Variants in TRPC1 observed in about 807,000 individuals in gnomAD.
TRPC1 encodes short transient receptor potential channel 1.
In TRPC1, 42 loss-of-function variants were observed where a neutral mutation model predicts 88.2. The observed-to-expected ratio is 0.48, with a 90% CI of 0.37 to 0.62. The LOEUF is 0.62. TRPC1 is among the 20% of genes least tolerant of loss of function. TRPC1 has a pLI of 0.00. For synonymous variants in TRPC1, 288 were observed against 331.8 expected, an observed-to-expected ratio of 0.87 and a Z score of 1.43; for missense variants, 699 against 957.3, an observed-to-expected ratio of 0.73 and a Z score of 3.56.
rs779018180 is a variant in TRPC1 at position 142,780,908 on chromosome 3, G to A, written c.839G>A (p.Arg280His). 13 of 1,613,722 alleles carry A rather than the reference G, an allele frequency of 8.1e-6. No individual in the cohort carries two copies. The highest frequency in any genetic ancestry group is 1.1e-5 in the Non-Finnish European group (13 of 1,179,842). Reference protein sequence around the residue: ...KDLLAQARNSRELEVILNHTS... With the variant: ...KDLLAQARNSHELEVILNHTS... The stretch of plus-strand genomic sequence containing the variant: ...TTACTTGCACAAGCCCGGAATTCTC[G>A]TGAATTGGAAGTTATTCTAAACCAT... The change falls in exon 6 of 13, where the codon CGT becomes CAT. Residue 280 changes from arginine to histidine, a missense_variant. By Grantham distance (29) the Arg-to-His change is conservative (BLOSUM62 0). Around this residue, in one of 4 missense-constraint regions of TRPC1, gnomAD observed 426 missense variants for 641.3 expected, o/e 0.66. Transcript: ENST00000476941.
At chr3:142,804,395 A>G (rs753869804) in intron 11 of TRPC1, 41 bp from the exon 12 acceptor site, 131 of 1,539,786 alleles carry the variant, frequency 8.5e-5, no homozygotes, top group Non-Finnish European at 1.1e-4. Context: ...TTGTGTGTGT[A>G]TTAATATTCT....
At chr3:142,801,949 G>A (rs1936631298) in intron 9 of TRPC1, among the ~76,000 whole-genome samples, 1 of 152,044 alleles carries the variant, frequency 6.6e-6, no homozygotes, top group South Asian at 2.1e-4. Flanking sequence ...TTCTAGGAAC[G>A]TGCCATCTAA....
intron 10 of TRPC1, among the ~76,000 whole-genome samples, chr3:142,803,704 A>G (rs1163045979): frequency 6.6e-6 from 1 of 152,214 alleles, no homozygotes; most frequent in Non-Finnish European, 1.5e-5. Context: ...AAATCTAATT[A>G]GATGTTAACA....
In TRPC1 at chr3:142,805,875, T is replaced by C. The variant is rs548457153; in HGVS notation, c.2155-133T>C. On this transcript the variant is annotated intron_variant, in intron 12 of 12. Coordinates refer to ENST00000476941, the MANE Select transcript of TRPC1 (RefSeq NM_001251845.2). ...TGTTTTAAACAAGTGTTGAATATTA[T>C]ACCATGTAGTAGAAAAACTATAGTC... 9 of 694,896 alleles carry C rather than the reference T, an allele frequency of 1.3e-5. No homozygotes were observed. The Admixed American group carries it at 2.9e-4, about 22-fold the overall frequency. The allele number at this position is 694,896 out of a possible 1,614,324, so 43.0% of individuals were successfully genotyped here.
At chr3:142,779,800 A>C (rs569916601) in intron 5 of TRPC1, among the ~76,000 whole-genome samples, 12 of 151,248 alleles carry the variant, frequency 7.9e-5, no homozygotes, top group African/African-American at 2.9e-4. Context: ...ACTCATAATT[A>C]TTTATTTCTG....
chr3:142,748,592 A>G, intron 4 of TRPC1, 132 bp downstream of exon 4: 3 of 857,206 alleles, frequency 3.5e-6, no homozygotes, highest in Non-Finnish European at 5.4e-6. Context: ...CCAAACTTGT[A>G]GCTCCTTTGT....
rs1437052399 is a variant in TRPC1 at position 142,804,024 on chromosome 3, C to G, written c.1805C>G (p.Ala602Gly). ...TTGTTCTGGTATATTTTCTCCTTAG[C>G]GCATGTGGCAATCTTTGTCACAAGA... is the stretch of plus-strand genomic sequence containing the variant. ...FALFWYIFSL[A>G]HVAIFVTRFS... The change falls in exon 11 of 13, where the codon GCG becomes GGG. Residue 602 changes from alanine (A) to glycine (G), a missense_variant. By Grantham distance (60) the Ala-to-Gly change is moderately conservative. Around this residue, in one of 4 missense-constraint regions of TRPC1, gnomAD observed 426 missense variants for 641.3 expected, o/e 0.66. Transcript: ENST00000476941. 1 of 1,613,674 alleles carries G rather than the reference C, an allele frequency of 6.2e-7. No homozygotes were observed. The highest frequency in any genetic ancestry group is 1.7e-5 in the Admixed American group (1 of 59,934).
intron 1 of TRPC1, among the ~76,000 whole-genome samples, chr3:142,735,323 C>T (rs892218791): frequency 9.9e-5 from 15 of 152,058 alleles, no homozygotes; most frequent in Admixed American, 9.8e-4. Flanking sequence ...TCAGTATTTT[C>T]TTTTTCTGTA....
At chr3:142,738,962 G>A (rs560502172) in intron 2 of TRPC1, among the ~76,000 whole-genome samples, 3 of 151,986 alleles carry the variant, frequency 2.0e-5, no homozygotes, top group African/African-American at 4.8e-5. Context: ...GGATGAGTTA[G>A]ATATTATTTT....
intron 4 of TRPC1, among the ~76,000 whole-genome samples, chr3:142,755,557 T>G (rs75903486): frequency 0.048 from 7,365 of 152,334 alleles, 229 homozygotes; most frequent in East Asian, 0.14. Flanking sequence ...CATGTTTCCT[T>G]TCCTTTTTTT....
chr3:142,778,700 C>G (rs1025187701), intron 5 of TRPC1, among the ~76,000 whole-genome samples: 3 of 152,156 alleles, frequency 2.0e-5, no homozygotes, highest in African/African-American at 7.2e-5. Context: ...GTGTGACACT[C>G]TTTCAGTGAC....
intron 1 of TRPC1, among the ~76,000 whole-genome samples, chr3:142,732,896 GCTGT>G (rs1430994736): frequency 6.0e-5 from 9 of 151,170 alleles, no homozygotes; most frequent in East Asian, 1.9e-4. Flanking sequence ...CTAGCTACTT[GCTGT>G]CTATTTTAAG....
At chr3:142,746,929 C>G (rs1934578573) in intron 3 of TRPC1, among the ~76,000 whole-genome samples, 1 of 151,630 alleles carries the variant, frequency 6.6e-6, no homozygotes, top group African/African-American at 2.4e-5. Context: ...TGAGATAATC[C>G]TAAATTTGCA....
At chr3:142,753,270 G>A (rs1195485948) in intron 4 of TRPC1, among the ~76,000 whole-genome samples, 3 of 152,134 alleles carry the variant, frequency 2.0e-5, no homozygotes, top group Non-Finnish European at 4.4e-5. Flanking sequence ...GTTAAAAATT[G>A]AAAGGTATTT....
At chr3:142,761,664 A>G (rs1935188498) in intron 4 of TRPC1, among the ~76,000 whole-genome samples, 1 of 151,966 alleles carries the variant, frequency 6.6e-6, no homozygotes, top group Non-Finnish European at 1.5e-5. Context: ...GTTTTCTTGA[A>G]ATGTTTGGTA....
rs140207755 is a variant in TRPC1, at chr3:142,783,463, A to G, written c.961-1241A>G. Among the ~76,000 whole-genome samples, 795 of 152,338 alleles carry G rather than the reference A, an allele frequency of 5.2e-3. 7 individuals are homozygous for G. Among genetic ancestry groups the G allele is most frequent in the African/African-American group, 0.018 (738 of 41,572 alleles). On this transcript the variant is annotated intron_variant, in intron 6 of 12. Transcript: ENST00000476941. The stretch of plus-strand genomic sequence containing the variant: ...CCCATATACTTTAAAGTATCTTTCA[A>G]TTACTTATAACACCTAATACAGTGC...
At chr3:142,755,246 A>G (rs1004321218) in intron 4 of TRPC1, among the ~76,000 whole-genome samples, 52 of 152,216 alleles carry the variant, frequency 3.4e-4, no homozygotes, top group African/African-American at 1.2e-3. Flanking sequence ...AACATGGTGA[A>G]AACCCATCTC....
At chr3:142,751,242 G>A (rs1010688250) in intron 4 of TRPC1, among the ~76,000 whole-genome samples, 2 of 152,068 alleles carry the variant, frequency 1.3e-5, no homozygotes, top group Non-Finnish European at 1.5e-5. Flanking sequence ...ACCTCACCCA[G>A]GGCAACTTCC....
intron 1 of TRPC1, 137 bp from the exon 2 acceptor site, chr3:142,736,242 T>A (rs1934132405): frequency 7.3e-6 from 4 of 547,706 alleles, no homozygotes; most frequent in Non-Finnish European, 1.2e-5. Context: ...AATGTTCACA[T>A]TCTCTGTGTA....
Sources: allele counts gnomAD v4.1 joint callset (sites outside exome capture counted in the v4.1 genomes callset), GRCh38; gene constraint gnomAD v4.1.1; regional missense constraint gnomAD v4.1.1; transcripts MANE v1.5; gene names NCBI Gene and HGNC (gene_info 2026-07-23, HGNC 2026-07-21).